The following PGM5 variants were observed in gnomAD, a reference collection of about 807,000 sequenced individuals.
PGM5 encodes the protein phosphoglucomutase-like protein 5.
PGM5 carries 23 observed loss-of-function variants against 59.2 expected under a neutral mutation model. That is an observed-to-expected ratio of 0.39 (90% CI 0.28 to 0.55). The LOEUF is 0.55. Among genes scored for constraint, PGM5 ranks in the 20% least tolerant of loss-of-function variants. The pLI is 0.66. For synonymous variants in PGM5, 214 were observed against 286.0 expected, an observed-to-expected ratio of 0.75 and a Z score of 2.54; for missense variants, 574 against 748.3, an observed-to-expected ratio of 0.77 and a Z score of 2.72.
chr9:68,404,437 A>G (rs1237099398), intron 6 of PGM5, among the ~76,000 whole-genome samples: 10 of 152,142 alleles, frequency 6.6e-5, no homozygotes, highest in Non-Finnish European at 1.0e-4. Context: ...CCTAAGTTTT[A>G]AATCTGAGAT....
At chr9:68,419,730 A>C (rs1823096590) in intron 6 of PGM5, among the ~76,000 whole-genome samples, 1 of 152,222 alleles carries the variant, frequency 6.6e-6, no homozygotes, top group Admixed American at 6.5e-5. Context: ...CCAAGACAGA[A>C]TAATTTTGTG....
intron 4 of PGM5, among the ~76,000 whole-genome samples, chr9:68,389,938 C>G (rs1360151667): frequency 6.6e-6 from 1 of 152,140 alleles, no homozygotes; most frequent in African/African-American, 2.4e-5. Flanking sequence ...CCATTCTACT[C>G]TATCTTGTTA....
chr9:68,512,649 T>C (rs185790682), intron 10 of PGM5, among the ~76,000 whole-genome samples: 2 of 152,336 alleles, frequency 1.3e-5, no homozygotes, highest in East Asian at 3.9e-4. Flanking sequence ...ACCAGTCATA[T>C]TGGATTAGAC....
chr9:68,441,717 TGTTA>T (rs1428718161), intron 6 of PGM5, among the ~76,000 whole-genome samples: 1 of 152,158 alleles, frequency 6.6e-6, no homozygotes, highest in African/African-American at 2.4e-5. Context: ...CTTTCACCAC[TGTTA>T]TTCAATATTG....
At chr9:68,479,394 G>C in intron 7 of PGM5, 24 bp from the exon 8 acceptor site, 2 of 1,590,256 alleles carry the variant, frequency 1.3e-6, no homozygotes, top group Non-Finnish European at 1.7e-6. Flanking sequence ...TGAATGCTCA[G>C]CAGAATTTTT....
intron 9 of PGM5, among the ~76,000 whole-genome samples, chr9:68,492,003 G>A (rs1824398947): frequency 6.6e-6 from 1 of 152,212 alleles, no homozygotes; most frequent in East Asian, 1.9e-4. Flanking sequence ...AGTGTCAGTA[G>A]TAAAATTGTC....
intron 1 of PGM5, among the ~76,000 whole-genome samples, chr9:68,372,854 A>G (rs572131197): frequency 2.0e-5 from 3 of 152,070 alleles, no homozygotes; most frequent in Non-Finnish European, 1.5e-5. Flanking sequence ...GGTGCCACAT[A>G]CTTTTAAACA....
In PGM5 at chr9:68,485,059, G is replaced by A. The variant is rs143412273; in HGVS notation, c.1479+1011G>A. 6.4e-4 allele frequency among the ~76,000 whole-genome samples: 98 copies of A among 152,260 alleles called. 1 individual carries two copies. Among genetic ancestry groups the A allele is most frequent in the Admixed American group, 7.8e-4 (12 of 15,294 alleles). On this transcript the variant is annotated intron_variant, in intron 9 of 10. Transcript: ENST00000396396. ...TTCCTTCAAGGGAATGGTCTAATCC[G>A]CACTCAGTTATGGATTTTATCTACT...
At chr9:68,509,271 T>G (rs1408116871) in intron 10 of PGM5, among the ~76,000 whole-genome samples, 2 of 152,194 alleles carry the variant, frequency 1.3e-5, no homozygotes, top group African/African-American at 2.4e-5. Flanking sequence ...GGGAGGAGCA[T>G]CTCAAAGCCA....
At chr9:68,445,220 T>C (rs1823592933) in intron 6 of PGM5, among the ~76,000 whole-genome samples, 1 of 151,588 alleles carries the variant, frequency 6.6e-6, no homozygotes, top group African/African-American at 2.4e-5. Flanking sequence ...GAAAAAAAAA[T>C]CCCTTGTAAA....
rs528997529 is a variant in PGM5 at position 68,390,398 on chromosome 9, C to A, written c.698-1136C>A. Among the ~76,000 whole-genome samples, 19 of 152,206 alleles carry A rather than the reference C, an allele frequency of 1.2e-4. No homozygotes were observed. In the South Asian group the frequency reaches 2.1e-3, roughly 17 times the overall value. On this transcript the variant is annotated intron_variant, in intron 4 of 10. Coordinates refer to ENST00000396396, the MANE Select transcript of PGM5 (RefSeq NM_021965.4). ...ATTGCTCTGGCTAGAAGATGGAGGA[C>A]GCTGATTGCGCAGACATAGGTCACC...
intron 7 of PGM5, among the ~76,000 whole-genome samples, chr9:68,468,100 G>C (rs1315275935): frequency 6.7e-6 from 1 of 150,202 alleles, no homozygotes; most frequent in Non-Finnish European, 1.5e-5. Context: ...ATGTCACAGG[G>C]GTTTGTGGTA....
chr9:68,426,029 T>C (rs1823231520), intron 6 of PGM5, among the ~76,000 whole-genome samples: 1 of 152,200 alleles, frequency 6.6e-6, no homozygotes, highest in African/African-American at 2.4e-5. Context: ...TATGCTGCTT[T>C]AGCTATATAT....
chr9:68,415,169 C>G (rs1823002550), intron 6 of PGM5, among the ~76,000 whole-genome samples: 1 of 149,080 alleles, frequency 6.7e-6, no homozygotes. Context: ...TCTGGTCATT[C>G]AAGGCCTACC....
intron 6 of PGM5, among the ~76,000 whole-genome samples, chr9:68,413,484 T>C (rs1288823229): frequency 6.6e-6 from 1 of 152,242 alleles, no homozygotes. Flanking sequence ...CTGCCTTTTC[T>C]GGCTAACTTT....
At chr9:68,467,918 C>T (rs1466048765) in intron 7 of PGM5, among the ~76,000 whole-genome samples, 2 of 151,310 alleles carry the variant, frequency 1.3e-5, no homozygotes, top group Non-Finnish European at 2.9e-5. Flanking sequence ...GATTTTTTTT[C>T]CAAAAACTCT....
At chr9:68,516,349 G>A (rs777594355) in intron 10 of PGM5, among the ~76,000 whole-genome samples, 2 of 152,148 alleles carry the variant, frequency 1.3e-5, no homozygotes, top group South Asian at 4.1e-4. Context: ...AGTAGAAGGT[G>A]TGGTCTCTCT....
chr9:68,407,390 C>T (rs1402407327), intron 6 of PGM5, among the ~76,000 whole-genome samples: 3 of 152,218 alleles, frequency 2.0e-5, no homozygotes, highest in Admixed American at 6.5e-5. Flanking sequence ...GCCTCGGCCT[C>T]TCAAAGTGCT....
intron 10 of PGM5, among the ~76,000 whole-genome samples, chr9:68,504,213 A>G (rs1398601218): frequency 4.6e-5 from 7 of 152,118 alleles, no homozygotes; most frequent in Admixed American, 1.3e-4. Context: ...GACATCACCA[A>G]CTTGACATGT....
Sources: allele counts gnomAD v4.1 joint callset (sites outside exome capture counted in the v4.1 genomes callset), GRCh38; gene constraint gnomAD v4.1.1; transcripts MANE v1.5; gene names NCBI Gene and HGNC (gene_info 2026-07-23, HGNC 2026-07-21).